The following PPP1R1C variants were observed in gnomAD, a reference collection of about 807,000 sequenced individuals.
PPP1R1C encodes the protein protein phosphatase 1 regulatory subunit 1C.
In PPP1R1C, 15 loss-of-function variants were observed where a neutral mutation model predicts 17.4. That is an observed-to-expected ratio of 0.86 (90% confidence interval 0.58 to 1.33). The LOEUF is 1.33. Among genes scored for constraint, PPP1R1C ranks in the 40% most tolerant of loss-of-function variants. PPP1R1C has a pLI of 0.00. For missense variants in PPP1R1C, 143 were observed against 130.0 expected, an observed-to-expected ratio of 1.10 and a Z score of -0.48; for synonymous variants, 35 against 43.1, an observed-to-expected ratio of 0.81 and a Z score of 0.73.
At chr2:182,009,295 A>G (rs2125154129) in intron 2 of PPP1R1C, among the ~76,000 whole-genome samples, 1 of 152,116 alleles carries the variant, frequency 6.6e-6, no homozygotes, top group South Asian at 2.1e-4. Flanking sequence ...AGCATTTGTT[A>G]TTGCCTAACT....
intron 2 of PPP1R1C, among the ~76,000 whole-genome samples, chr2:182,055,682 G>C (rs1218845225): frequency 1.7e-4 from 26 of 152,118 alleles, no homozygotes; most frequent in Non-Finnish European, 1.0e-4. Context: ...TTCAGTACTT[G>C]AAGACCGTTG....
chr2:182,095,121 T>C (rs749973171), intron 4 of PPP1R1C, among the ~76,000 whole-genome samples: 1 of 151,892 alleles, frequency 6.6e-6, no homozygotes, highest in Non-Finnish European at 1.5e-5. Context: ...AAACCCCATC[T>C]CTACTAAAAA....
chr2:181,961,319 C>G lies in PPP1R1C; in HGVS notation n.111+6685C>G. 1.4e-6 allele frequency: 1 copy of G among 730,726 alleles called. No homozygotes were observed. The highest frequency in any genetic ancestry group is 1.9e-5 in the Admixed American group (1 of 53,956). The allele number at this position is 730,726 out of a possible 1,614,324, so 45.3% of individuals were successfully genotyped here. ...TCCAGGGCATCACCAAGATTGAAGT[C>G]ATCATCATCAAGCAGGCGGTGGTAG... On this transcript the variant is annotated intron_variant and non_coding_transcript_variant, in intron 1 of 5. Coordinates refer to the PPP1R1C transcript ENST00000464264. This position sits in a 1 kb window ranked among gnomAD's most constrained non-coding sequence, Gnocchi z 5.8.
chr2:181,957,621 TTCTGTTTTGAGTA>T lies in PPP1R1C; in HGVS notation n.111+2989_111+3001del, dbSNP rs1684691933. 2.0e-5 allele frequency among the ~76,000 whole-genome samples: 3 copies of T among 152,202 alleles called. No individual in the cohort carries two copies. The highest frequency in any genetic ancestry group is 7.2e-5 in the African/African-American group (3 of 41,438). On this transcript the variant is annotated intron_variant and non_coding_transcript_variant, in intron 1 of 5. Transcript: ENST00000464264. The surrounding 1 kb of genome is among the most constrained non-coding windows in gnomAD (Gnocchi z 4.2). ...TAGGGTGTCTTCTTCTCAAAACTGT[TTCTGTTTTGAGTA>T]TTCTTTATTTTCTTCTTATACCCAA...
rs749434792 is a variant in PPP1R1C, at chr2:182,117,460, T to C, written c.*165T>C. Reference sequence around the variant, plus strand: ...CCTGGAAGTCTCCTTGACTGAACTTTAGAACTAAGTACACATTGTTCCACA... The same window carrying C: ...CCTGGAAGTCTCCTTGACTGAACTTCAGAACTAAGTACACATTGTTCCACA... On this transcript the variant is annotated 3_prime_UTR_variant, in exon 5 of 5. Coordinates refer to ENST00000682840, the MANE Select transcript of PPP1R1C (RefSeq NM_001080545.3). 1.3e-4 allele frequency: 71 copies of C among 549,714 alleles called. No homozygotes were observed. Among genetic ancestry groups the C allele is most frequent in the Non-Finnish European group, 2.2e-4 (68 of 307,234 alleles). 34.1% of individuals were successfully genotyped at this position (549,714 alleles called of 1,614,324 possible).
intron 1 of PPP1R1C, among the ~76,000 whole-genome samples, chr2:181,958,239 G>T (rs189760135): frequency 2.4e-3 from 361 of 152,284 alleles, no homozygotes; most frequent in African/African-American, 8.3e-3. Flanking sequence ...GATCCTGCAG[G>T]GAGTTGTGCA....
At chr2:181,956,898 A>T (rs890337002) in intron 1 of PPP1R1C, among the ~76,000 whole-genome samples, 1 of 152,248 alleles carries the variant, frequency 6.6e-6, no homozygotes, top group African/African-American at 2.4e-5. Flanking sequence ...TGAAATTTCC[A>T]TCTGAAATGT....
chr2:181,970,039 T>G (rs1203425037), intron 1 of PPP1R1C, among the ~76,000 whole-genome samples: 1 of 152,222 alleles, frequency 6.6e-6, no homozygotes, highest in Non-Finnish European at 1.5e-5. Context: ...TTGAAGTTGC[T>G]CAAAACAGCT....
intron 2 of PPP1R1C, among the ~76,000 whole-genome samples, chr2:182,009,003 G>A (rs150259196): frequency 7.2e-5 from 11 of 152,138 alleles, no homozygotes; most frequent in East Asian, 3.9e-4. Context: ...TTGTGTTTAC[G>A]TATCACATTT....
chr2:182,050,907 G>C (rs1441098379), intron 2 of PPP1R1C, among the ~76,000 whole-genome samples: 1 of 152,108 alleles, frequency 6.6e-6, no homozygotes, highest in Non-Finnish European at 1.5e-5. Flanking sequence ...ATTTCATCCA[G>C]ATTTTTATTA....
At chr2:182,001,695 C>T (rs761290269) in intron 2 of PPP1R1C, among the ~76,000 whole-genome samples, 16 of 152,030 alleles carry the variant, frequency 1.1e-4, no homozygotes, top group Non-Finnish European at 2.2e-4. Flanking sequence ...GTTAGCAACC[C>T]TCCAGTCAGT....
intron 4 of PPP1R1C, among the ~76,000 whole-genome samples, chr2:182,094,185 G>A (rs554875906): frequency 6.6e-6 from 1 of 152,260 alleles, no homozygotes; most frequent in East Asian, 1.9e-4. Flanking sequence ...TATGTGGATG[G>A]TGGCAGGCAA....
intron 2 of PPP1R1C, among the ~76,000 whole-genome samples, chr2:182,000,774 G>T (rs1163672753): frequency 3.3e-5 from 5 of 152,132 alleles, no homozygotes; most frequent in Non-Finnish European, 5.9e-5. Context: ...TCAGTGATTG[G>T]ATCTATTAAT....
intron 4 of PPP1R1C, among the ~76,000 whole-genome samples, chr2:182,070,727 T>A (rs1049488963): frequency 5.3e-5 from 8 of 152,166 alleles, no homozygotes; most frequent in African/African-American, 1.9e-4. Context: ...GACTGGGTAA[T>A]TTATAAAGAA....
At chr2:182,131,014 A>G (rs551775133), downstream of PPP1R1C, 18 of 152,324 alleles carry the variant, frequency 1.2e-4, no homozygotes, top group African/African-American at 4.1e-4. Context: ...AAGATTTTTC[A>G]AAGTAAGTTT....
chr2:182,071,268 T>C (rs996117774), intron 4 of PPP1R1C, among the ~76,000 whole-genome samples: 4 of 152,188 alleles, frequency 2.6e-5, no homozygotes, highest in Non-Finnish European at 5.9e-5. Context: ...TTCTCAGACG[T>C]CCCTTGTTTG....
chr2:181,985,151 T>C (rs901688711), upstream of PPP1R1C, among the ~76,000 whole-genome samples: 3 of 152,256 alleles, frequency 2.0e-5, no homozygotes, highest in Admixed American at 6.5e-5. This position sits in a 1 kb window ranked among gnomAD's most constrained non-coding sequence, Gnocchi z 4.1. Flanking sequence ...CACCAGGAAA[T>C]AAAATAGAGG....
At position 182,061,243 on chromosome 2, in the gene PPP1R1C, CT is replaced by C. The variant is rs545071693; in HGVS notation, c.143-193del. Reference sequence around the variant, plus strand: ...GTCAAGAGGAAAGCTTTTTCTATACCTTTTTTGAAACTTTGGGAGAAGGTTA... The same window carrying C: ...GTCAAGAGGAAAGCTTTTTCTATACCTTTTTGAAACTTTGGGAGAAGGTTA... On this transcript the variant is annotated intron_variant, in intron 2 of 4. Transcript: ENST00000682840. 4.6e-5 allele frequency among the ~76,000 whole-genome samples: 7 copies of C among 152,108 alleles called. No homozygotes were observed. In the East Asian group the frequency reaches 1.4e-3, roughly 29 times the overall value.
At chr2:182,085,033 T>C (rs976043337) in intron 4 of PPP1R1C, among the ~76,000 whole-genome samples, 5 of 152,144 alleles carry the variant, frequency 3.3e-5, no homozygotes, top group Non-Finnish European at 5.9e-5. Flanking sequence ...AGAGATTAAA[T>C]TGTTGATTTA....
Sources: allele counts gnomAD v4.1 joint callset (sites outside exome capture counted in the v4.1 genomes callset), GRCh38; gene constraint gnomAD v4.1.1; non-coding constraint Gnocchi (gnomAD v3.1); transcripts MANE v1.5; gene names NCBI Gene and HGNC (gene_info 2026-07-23, HGNC 2026-07-21).